Variants in HMCN1 observed in about 807,000 individuals in gnomAD.
HMCN1 encodes hemicentin 1, also known as hemicentin-1.
HMCN1 carries 321 observed loss-of-function variants against 625.9 expected under a neutral mutation model. The observed-to-expected ratio is 0.51, with a 90% CI of 0.47 to 0.56. HMCN1 has a LOEUF of 0.56. Ranked by LOEUF, HMCN1 falls within the 20% of genes least tolerant of loss-of-function variation. HMCN1 has a pLI of 0.00. For synonymous variants in HMCN1, 2,425 were observed against 2,417.6 expected, an observed-to-expected ratio of 1.00 and a Z score of -0.09; for missense variants, 6,588 against 6,887.3, an observed-to-expected ratio of 0.96 and a Z score of 1.54.
In HMCN1 at chr1:186,178,615, C is replaced by T. The variant is rs1652746737; in HGVS notation, c.16143C>T (p.Asn5381=). 1.2e-5 allele frequency: 20 copies of T among 1,614,148 alleles called. No individual in the cohort carries two copies. Among genetic ancestry groups the T allele is most frequent in the Non-Finnish European group, 1.6e-5 (19 of 1,180,006 alleles). ...CACGGTTCTCCCCTGTGAGAAACAA[C>T]TATCAACCTCAACAGCATTACAGAC... The part of the protein sequence containing the change: ...NLARFSPVRN[N]YQPQQHYRQY... The change falls in exon 104 of 107, where the codon AAC becomes AAT. Residue 5381 remains asparagine (N), a synonymous_variant. Transcript: ENST00000271588.
Position 186,122,933 on chromosome 1 carries a change from A to AT in HMCN1, c.12230-12dup. 1.9e-6 allele frequency: 3 copies of AT among 1,611,810 alleles called. No homozygotes were observed. Among genetic ancestry groups the AT allele is most frequent in the Non-Finnish European group, 2.5e-6 (3 of 1,179,598 alleles). On this transcript the variant is annotated splice_polypyrimidine_tract_variant and intron_variant, in intron 80 of 106. Transcript: ENST00000271588. Reference sequence around the variant, plus strand: ...TTCTAAGATAAAGTTTGAACTTTATATTTTTTGTATATTTTAGTTCCTCCA... The same window carrying AT: ...TTCTAAGATAAAGTTTGAACTTTATATTTTTTTGTATATTTTAGTTCCTCCA...
rs988276941 is a variant in HMCN1 at position 185,734,426 on chromosome 1, G to A, written c.-354G>A. On this transcript the variant is annotated 5_prime_UTR_variant, in exon 1 of 107. Coordinates refer to ENST00000271588, the MANE Select transcript of HMCN1 (RefSeq NM_031935.3). ...CCAGGCGGAGAGCAGCGGCGGCGGC[G>A]AGGGCAGCGGGATTCGGGCCGCGGC... 51 of 238,146 alleles carry A rather than the reference G, an allele frequency of 2.1e-4. No individual in the cohort carries two copies. The highest frequency in any genetic ancestry group is 1.1e-3 in the African/African-American group (50 of 44,040). 14.8% of individuals were successfully genotyped at this position (238,146 alleles called of 1,614,324 possible). A position where few individuals can be genotyped will look rare whatever the true frequency, so the allele number is the denominator to read the frequency against.
intron 16 of HMCN1, among the ~76,000 whole-genome samples, chr1:185,978,765 C>T (rs1039019174): frequency 1.7e-4 from 26 of 152,090 alleles, no homozygotes; most frequent in African/African-American, 6.3e-4. Flanking sequence ...ACTGCAAACT[C>T]CACCTCACAG....
intron 97 of HMCN1, among the ~76,000 whole-genome samples, chr1:186,160,121 G>T (rs1223196500): frequency 6.6e-6 from 1 of 150,898 alleles, no homozygotes; most frequent in South Asian, 2.1e-4. Flanking sequence ...TCTATTCAGA[G>T]TTCAACTTCT....
intron 1 of HMCN1, among the ~76,000 whole-genome samples, chr1:185,798,587 A>G (rs1658564732): frequency 6.6e-6 from 1 of 151,664 alleles, no homozygotes; most frequent in Non-Finnish European, 1.5e-5. Context: ...TTTTTTCTTT[A>G]TATTTGTTTG....
chr1:185,852,177 A>C (rs1335373261), intron 2 of HMCN1, among the ~76,000 whole-genome samples: 1 of 152,012 alleles, frequency 6.6e-6, no homozygotes, highest in Non-Finnish European at 1.5e-5. Flanking sequence ...ATACCCTCAG[A>C]TAGGCAAAGA....
intron 20 of HMCN1, 55 bp downstream of exon 20, chr1:185,987,599 C>T (rs1191097904): frequency 8.7e-7 from 1 of 1,150,140 alleles, no homozygotes; most frequent in Non-Finnish European, 1.3e-6. Flanking sequence ...AGTTCACCTG[C>T]AAGTTATCCC....
At chr1:186,013,566 C>A (rs1654137284) in intron 30 of HMCN1, among the ~76,000 whole-genome samples, 1 of 152,106 alleles carries the variant, frequency 6.6e-6, no homozygotes. Context: ...TTCTAATATC[C>A]TTTTCCATTA....
chr1:186,184,847 A>G (rs1653180921), intron 105 of HMCN1, among the ~76,000 whole-genome samples: 1 of 152,200 alleles, frequency 6.6e-6, no homozygotes, highest in Non-Finnish European at 1.5e-5. Context: ...CATTTCAATC[A>G]TAATATTCTT....
chr1:186,168,536 G>A (rs537912576), intron 100 of HMCN1, among the ~76,000 whole-genome samples: 1 of 127,592 alleles, frequency 7.8e-6, no homozygotes, highest in Non-Finnish European at 1.7e-5. Context: ...ATTAAAAGAT[G>A]TCAAATAGAA....
intron 51 of HMCN1, 72 bp from the exon 52 acceptor site, chr1:186,070,540 A>G: frequency 1.6e-6 from 2 of 1,288,990 alleles, no homozygotes; most frequent in African/African-American, 2.9e-5. Flanking sequence ...AGTAATCCTC[A>G]GTGTGATTTC....
intron 1 of HMCN1, among the ~76,000 whole-genome samples, chr1:185,737,102 G>A (rs1449064290): frequency 1.3e-5 from 2 of 150,792 alleles, no homozygotes; most frequent in African/African-American, 2.4e-5. Context: ...CTCTGTAGGT[G>A]TGTGTGTATA....
rs181637571 is a variant in HMCN1, at chr1:185,744,920, G to A, written c.268+9873G>A. On this transcript the variant is annotated intron_variant, in intron 1 of 106. Transcript: ENST00000271588. ...TTGGAACAAGGGAGTCCTGAGAGCTGGGAGATGAAATGTGAGGCCATCACA... is the reference window on the plus strand; with the variant it reads ...TTGGAACAAGGGAGTCCTGAGAGCTAGGAGATGAAATGTGAGGCCATCACA... Among the ~76,000 whole-genome samples the A allele has an allele frequency of 2.5e-3, 386 of 152,256 alleles. 4 individuals carry two copies. The highest frequency in any genetic ancestry group is 2.0e-3 in the Non-Finnish European group (134 of 68,014).
At chr1:186,157,985 T>C (rs1362314003) in intron 97 of HMCN1, among the ~76,000 whole-genome samples, 6 of 151,926 alleles carry the variant, frequency 3.9e-5, no homozygotes, top group Admixed American at 6.6e-5. Context: ...CAAATGGTAT[T>C]TCTAGTTCTA....
At chr1:185,902,680 G>A (rs1233148388) in intron 4 of HMCN1, among the ~76,000 whole-genome samples, 2 of 151,398 alleles carry the variant, frequency 1.3e-5, no homozygotes, top group African/African-American at 2.4e-5. Context: ...TAATGCTTAC[G>A]TGCCTCCCTA....
intron 13 of HMCN1, among the ~76,000 whole-genome samples, chr1:185,964,909 T>C (rs182408346): frequency 1.5e-3 from 233 of 152,162 alleles, no homozygotes; most frequent in Admixed American, 3.3e-3. Flanking sequence ...TGAAGCTCTG[T>C]ACCTTGTGAT....
At position 186,055,564 on chromosome 1, in the gene HMCN1, G is replaced by C. The variant is rs751473911; in HGVS notation, c.7034G>C (p.Gly2345Ala). The C allele has an allele frequency of 6.2e-7, 1 of 1,612,784 alleles. No homozygotes were observed. Among genetic ancestry groups the C allele is most frequent in the African/African-American group, 1.3e-5 (1 of 74,908 alleles). Residue 2345 changes from glycine (G) to alanine (A), a missense_variant, in exon 45 of 107, where the codon GGT (glycine) becomes GCT (alanine). Transcript: ENST00000271588. ...KAKGVEILDE[G>A]HILQLKNIHV... ...AAGGGAGTAGAAATACTGGATGAAGGTCACATCCTTCAGCTGAAGAACATT... is the reference window on the plus strand; with the variant it reads ...AAGGGAGTAGAAATACTGGATGAAGCTCACATCCTTCAGCTGAAGAACATT...
At chr1:185,932,017 C>T (rs1213363467) in intron 10 of HMCN1, among the ~76,000 whole-genome samples, 1 of 151,798 alleles carries the variant, frequency 6.6e-6, no homozygotes, top group Non-Finnish European at 1.5e-5. Context: ...TATGTGTGAC[C>T]CAAATATTGC....
chr1:186,136,918 A>T lies in HMCN1; in HGVS notation c.13563A>T (p.Arg4521Ser). 1.2e-6 allele frequency: 2 copies of T among 1,613,858 alleles called. No individual in the cohort carries two copies. Among genetic ancestry groups the T allele is most frequent in the Middle Eastern group, 1.7e-4 (1 of 6,060 alleles). The change falls in exon 87 of 107, where the codon AGA becomes AGT. Residue 4521 changes from arginine to serine, a missense_variant. Physicochemically the swap from Arg to Ser is moderately radical, Grantham distance 110. Coordinates refer to ENST00000271588, the MANE Select transcript of HMCN1 (RefSeq NM_031935.3). ...ARNLMGSVLV[R>S]VPVIVQVHGG... Reference sequence around the variant, plus strand: ...ACTTAATGGGTTCTGTCCTTGTCAGAGTGCCAGTCATAGTCCAGGGTGAGT... The same window carrying T: ...ACTTAATGGGTTCTGTCCTTGTCAGTGTGCCAGTCATAGTCCAGGGTGAGT...
Sources: allele counts gnomAD v4.1 joint callset (sites outside exome capture counted in the v4.1 genomes callset), GRCh38; gene constraint gnomAD v4.1.1; transcripts MANE v1.5; gene names NCBI Gene and HGNC (gene_info 2026-07-23, HGNC 2026-07-21).